Variants in PPFIA1 observed in about 807,000 individuals in gnomAD.
The protein encoded by PPFIA1 is PPFI scaffold protein A1, also known as liprin-alpha-1.
A neutral mutation model predicts 149.9 loss-of-function variants in PPFIA1; 25 were observed. The ratio of observed to expected loss-of-function variants is 0.17; its 90% confidence interval spans 0.12 to 0.23. PPFIA1 has a LOEUF of 0.23. PPFIA1 is among the 10% of genes least tolerant of loss of function. PPFIA1 has a pLI of 1.00. For missense variants in PPFIA1, 1,362 were observed against 1,506.5 expected (o/e 0.90, Z 1.59); for synonymous variants, 549 against 552.8 (o/e 0.99, Z 0.10).
intron 8 of PPFIA1, among the ~76,000 whole-genome samples, chr11:70,331,755 G>C (rs372186469): frequency 6.6e-6 from 1 of 151,974 alleles, no homozygotes; most frequent in African/African-American, 2.4e-5. Context: ...ACTCCAGCCT[G>C]GGTGACAAAG....
intron 2 of PPFIA1, among the ~76,000 whole-genome samples, chr11:70,323,134 CCTCCAT>C (rs2054052407): frequency 6.6e-6 from 1 of 152,198 alleles, no homozygotes; most frequent in Non-Finnish European, 1.5e-5. Context: ...CCAGGCTGTG[CCTCCAT>C]TAAACCCACA....
chr11:70,312,813 T>G (rs2053373861), intron 2 of PPFIA1, among the ~76,000 whole-genome samples: 1 of 152,240 alleles, frequency 6.6e-6, no homozygotes, highest in Non-Finnish European at 1.5e-5. Flanking sequence ...CAGCACTTTG[T>G]CACAGGTCTG....
chr11:70,298,090 GA>G (rs1253444766), intron 2 of PPFIA1, among the ~76,000 whole-genome samples: 2 of 152,120 alleles, frequency 1.3e-5, no homozygotes, highest in African/African-American at 4.8e-5. Context: ...CCTCTAGAAA[GA>G]AAAAAGAACA....
chr11:70,358,680 T>C (rs2056479667), intron 19 of PPFIA1: 1 of 152,254 alleles, frequency 6.6e-6, no homozygotes, highest in South Asian at 2.1e-4. Context: ...AGGTGTGTTT[T>C]AACTGCAAAA....
Position 70,327,634 on chromosome 11 carries a change from G to C in PPFIA1, c.930+816G>C, listed in dbSNP as rs537238810. 2.0e-5 allele frequency: 3 copies of C among 152,304 alleles called. No individual in the cohort carries two copies. In the South Asian group the frequency reaches 6.2e-4, roughly 31 times the overall value. 9.4% of individuals were successfully genotyped at this position (152,304 alleles called of 1,614,324 possible). On this transcript the variant is annotated intron_variant, in intron 7 of 27. Transcript: ENST00000253925. Reference sequence around the variant, plus strand: ...AAAAATACAAAAAAATTAGCCAGGCGTGGTGGCGGGCGCCTGTAGTCCCAG... The same window carrying C: ...AAAAATACAAAAAAATTAGCCAGGCCTGGTGGCGGGCGCCTGTAGTCCCAG...
chr11:70,378,258 C>G, intron 26 of PPFIA1, 63 bp downstream of exon 26: 1 of 1,556,572 alleles, frequency 6.4e-7, no homozygotes, highest in Non-Finnish European at 8.7e-7. Context: ...CTGTCTGGAA[C>G]ATTAATAATG....
chr11:70,369,264 C>T (rs2057111306), intron 21 of PPFIA1, among the ~76,000 whole-genome samples: 1 of 152,002 alleles, frequency 6.6e-6, no homozygotes, highest in African/African-American at 2.4e-5. Context: ...TTTTCAATCT[C>T]TTCATATGGT....
intron 2 of PPFIA1, among the ~76,000 whole-genome samples, chr11:70,290,850 A>C (rs948082869): frequency 6.6e-6 from 1 of 152,208 alleles, no homozygotes; most frequent in African/African-American, 2.4e-5. Context: ...TTAAAGTTCT[A>C]CTTGAGATGA....
At chr11:70,304,283 G>T (rs2052695606) in intron 2 of PPFIA1, among the ~76,000 whole-genome samples, 1 of 151,964 alleles carries the variant, frequency 6.6e-6, no homozygotes, top group Admixed American at 6.6e-5. Flanking sequence ...CACATACTTT[G>T]CCCTGTGCAT....
chr11:70,377,916 A>G, intron 25 of PPFIA1, 114 bp from the exon 26 acceptor site: 1 of 847,228 alleles, frequency 1.2e-6, no homozygotes, highest in Non-Finnish European at 1.9e-6. Context: ...GATTAAATAC[A>G]TGTGGACAAG....
intron 2 of PPFIA1, among the ~76,000 whole-genome samples, chr11:70,322,580 T>G (rs1363788371): frequency 6.6e-6 from 1 of 152,218 alleles, no homozygotes; most frequent in Non-Finnish European, 1.5e-5. Context: ...TGGGTGATCT[T>G]CATTAGTATT....
intron 2 of PPFIA1, among the ~76,000 whole-genome samples, chr11:70,280,248 AT>A: frequency 6.7e-6 from 1 of 149,030 alleles, no homozygotes; most frequent in African/African-American, 2.5e-5. Context: ...ATATATATAT[AT>A]AAATATATAT....
At chr11:70,335,331 G>C (rs570224867) in intron 10 of PPFIA1, among the ~76,000 whole-genome samples, 1 of 152,136 alleles carries the variant, frequency 6.6e-6, no homozygotes, top group Admixed American at 6.5e-5. Flanking sequence ...GAGTCCTGTG[G>C]CAGGAGCAGT....
intron 19 of PPFIA1, among the ~76,000 whole-genome samples, chr11:70,357,068 C>G (rs2056397593): frequency 6.6e-6 from 1 of 152,160 alleles, no homozygotes. Context: ...TAGGCTGAGA[C>G]AGTGCCCAAG....
chr11:70,294,771 C>T (rs1361642116), intron 2 of PPFIA1, among the ~76,000 whole-genome samples: 2 of 151,664 alleles, frequency 1.3e-5, no homozygotes, highest in Non-Finnish European at 2.9e-5. Flanking sequence ...GAGCATGCTG[C>T]CTTCAAGCAT....
chr11:70,336,233 T>G (rs920132553), intron 11 of PPFIA1, among the ~76,000 whole-genome samples: 4 of 152,182 alleles, frequency 2.6e-5, no homozygotes, highest in Non-Finnish European at 5.9e-5. Flanking sequence ...CTGGGCGTGG[T>G]GGCTCACGTC....
intron 2 of PPFIA1, among the ~76,000 whole-genome samples, chr11:70,302,100 C>T (rs1206341613): frequency 6.6e-6 from 1 of 152,172 alleles, no homozygotes; most frequent in East Asian, 1.9e-4. Context: ...CAGCATAGCA[C>T]AGGAAAGGAG....
intron 2 of PPFIA1, among the ~76,000 whole-genome samples, chr11:70,296,463 C>G (rs544712907): frequency 1.5e-3 from 236 of 152,264 alleles, no homozygotes; most frequent in Non-Finnish European, 2.8e-3. Flanking sequence ...GCGGACCACT[C>G]GCGGTTAGGA....
chr11:70,365,085 A>G (rs1050723741), intron 21 of PPFIA1: 3 of 172,016 alleles, frequency 1.7e-5, no homozygotes, highest in Non-Finnish European at 3.8e-5. Context: ...AATTACTCAA[A>G]GTTTCCAGAA....
Sources: allele counts gnomAD v4.1 joint callset (sites outside exome capture counted in the v4.1 genomes callset), GRCh38; gene constraint gnomAD v4.1.1; transcripts MANE v1.5; gene names NCBI Gene and HGNC (gene_info 2026-07-23, HGNC 2026-07-21).